WDR62: variants seen among roughly 807,000 people sequenced by gnomAD.
WDR62 encodes the protein WD repeat-containing protein 62.
Under a neutral mutation model 160.6 loss-of-function variants are expected in WDR62, and 112 were observed. That is an observed-to-expected ratio of 0.70 (90% CI 0.60 to 0.82). WDR62 has a LOEUF of 0.82. Among genes scored for constraint, WDR62 ranks in the 40% least tolerant of loss-of-function variants. WDR62 has a pLI of 0.00. For missense variants in WDR62, 1,819 were observed against 1,983.8 expected (o/e 0.92, Z 1.58); for synonymous variants, 792 against 815.1 (o/e 0.97, Z 0.48).
In WDR62 at chr19:36,092,732, A is replaced by G. The variant is rs748567793; in HGVS notation, c.2254A>G (p.Met752Val). 6.8e-6 allele frequency: 11 copies of G among 1,614,194 alleles called. No homozygotes were observed. Among genetic ancestry groups the G allele is most frequent in the Middle Eastern group, 3.3e-4 (2 of 6,062 alleles). Residue 752 changes from methionine to valine, a missense_variant, in exon 19 of 32, where the codon ATG (methionine) becomes GTG (valine). By Grantham distance (21) the Met-to-Val change is conservative. Transcript: ENST00000401500. ...WHLGPEITNC[M>V]KQHLLEIDHR... ...CCTGGGCCCGGAGATCACCAACTGC[A>G]TGAAGCAGCACTTGCTGGAGATTGA... is the stretch of plus-strand genomic sequence containing the variant.
chr19:36,074,648 T>G (rs1272648964), intron 9 of WDR62, among the ~76,000 whole-genome samples: 4 of 152,240 alleles, frequency 2.6e-5, no homozygotes, highest in Admixed American at 2.6e-4. Context: ...GAAAGAACTT[T>G]GTCCTTTTGA....
chr19:36,076,104 G>A (rs918263163), intron 9 of WDR62: 3 of 151,882 alleles, frequency 2.0e-5, no homozygotes, highest in African/African-American at 7.3e-5. Context: ...CCCATCTTTG[G>A]CCAGTGAGAG....
In WDR62 at chr19:36,104,572, C is replaced by T. The variant is rs746633430; in HGVS notation, c.4208C>T (p.Pro1403Leu). 20 of 1,613,820 alleles carry T rather than the reference C, an allele frequency of 1.2e-5. No homozygotes were observed. The highest frequency in any genetic ancestry group is 5.3e-5 in the African/African-American group (4 of 74,898). ...GCCCGCTGGAGTGAGCCCTGGGTGC[C>T]GGTTGAAGCCCTGCCCCCATCTCCC... ...SPARWSEPWV[P>L]VEALPPSPLE... The change falls in exon 31 of 32, where the codon CCG (proline) becomes CTG (leucine). Residue 1403 changes from proline to leucine, a missense_variant. Physicochemically the swap from Pro to Leu is moderately conservative, Grantham distance 98. This residue lies in a region of WDR62 where 770 missense variants were observed against 734.2 expected (regional missense o/e 1.05). Transcript: ENST00000401500.
chr19:36,100,844 G>A lies in WDR62; in HGVS notation c.2836G>A (p.Glu946Lys). Residue 946 changes from glutamate (E) to lysine (K), a missense_variant, in exon 23 of 32, where the codon GAG (glutamate) becomes AAG (lysine). Physicochemically the swap from Glu to Lys is moderately conservative, Grantham distance 56 (BLOSUM62 1). Around this residue, in one of 3 missense-constraint regions of WDR62, gnomAD observed 934 missense variants for 1,157.2 expected, o/e 0.81. Transcript: ENST00000401500. ...EASELILYSL[E>K]AEVTVTGTDS... ...CAGTGAGCTCATCCTCTACTCTCTGGAGGCAGAAGTGACAGTCACAGGGAC... is the reference window on the plus strand; with the variant it reads ...CAGTGAGCTCATCCTCTACTCTCTGAAGGCAGAAGTGACAGTCACAGGGAC... 6.2e-7 allele frequency: 1 copy of A among 1,614,238 alleles called. No homozygotes were observed. Among genetic ancestry groups the A allele is most frequent in the Non-Finnish European group, 8.5e-7 (1 of 1,180,034 alleles).
At position 36,101,287 on chromosome 19, in the gene WDR62, G is replaced by T. The variant is rs200503894; in HGVS notation, c.2941G>T (p.Asp981Tyr). 1 of 1,612,270 alleles carries T rather than the reference G, an allele frequency of 6.2e-7. No individual in the cohort carries two copies. The highest frequency in any genetic ancestry group is 8.5e-7 in the Non-Finnish European group (1 of 1,179,598). ...CGACTCCTACCTCAGGGTGTCCTCC[G>T]ACAGCCCAAAGGACCAGAGCCCGCC... Reference protein sequence around the residue: ...QGDSYLRVSSDSPKDQSPPED... With the variant: ...QGDSYLRVSSYSPKDQSPPED... The change falls in exon 24 of 32, where the codon GAC becomes TAC. Residue 981 changes from aspartate (D) to tyrosine (Y), a missense_variant. Coordinates refer to ENST00000401500, the MANE Select transcript of WDR62 (RefSeq NM_001083961.2).
intron 8 of WDR62, 122 bp downstream of exon 8, chr19:36,071,838 C>A: frequency 7.7e-7 from 1 of 1,305,456 alleles, no homozygotes; most frequent in Non-Finnish European, 1.0e-6. Flanking sequence ...TCATGACTCT[C>A]AGCCCTGGGC....
At chr19:36,056,749 C>T (rs922540731) in intron 1 of WDR62, among the ~76,000 whole-genome samples, 4 of 152,072 alleles carry the variant, frequency 2.6e-5, no homozygotes, top group African/African-American at 9.7e-5. Flanking sequence ...TGGACCCAGG[C>T]AGCCTGAGCT....
downstream of WDR62, among the ~76,000 whole-genome samples, chr19:36,109,135 C>T (rs1247155625): frequency 2.0e-5 from 3 of 152,130 alleles, no homozygotes; most frequent in South Asian, 2.1e-4. Context: ...AACTGACTCT[C>T]GGGCAATGTA....
At chr19:36,065,324 T>C (rs532030925) in intron 3 of WDR62, among the ~76,000 whole-genome samples, 59 of 152,308 alleles carry the variant, frequency 3.9e-4, no homozygotes, top group Admixed American at 7.8e-4. Flanking sequence ...GAGACAATTA[T>C]TAGATTGTTA....
At chr19:36,077,322 G>C (rs1411102018) in intron 9 of WDR62, among the ~76,000 whole-genome samples, 2 of 142,918 alleles carry the variant, frequency 1.4e-5, no homozygotes, top group Non-Finnish European at 3.0e-5. Context: ...CTGTCGCCCA[G>C]GCTGGAGTGA....
In WDR62 at chr19:36,092,705, C is replaced by T. The variant is rs142313818; in HGVS notation, c.2227C>T (p.His743Tyr). Residue 743 changes from histidine to tyrosine, a missense_variant, in exon 19 of 32, where the codon CAC becomes TAC. Transcript: ENST00000401500. ...CCTCCGCAGCTGCGTGTTCATCTGG[C>T]ACCTGGGCCCGGAGATCACCAACTG... ...VSGDSCVFIW[H>Y]LGPEITNCMK... The T allele has an allele frequency of 1.7e-5, 27 of 1,614,034 alleles. No homozygotes were observed. Among genetic ancestry groups the T allele is most frequent in the Non-Finnish European group, 2.3e-5 (27 of 1,180,004 alleles).
intron 21 of WDR62, among the ~76,000 whole-genome samples, chr19:36,098,105 T>C (rs1289135751): frequency 6.7e-6 from 1 of 150,316 alleles, no homozygotes; most frequent in Non-Finnish European, 1.5e-5. Context: ...CTCCCATCTC[T>C]ACAAAAGATT....
intron 9 of WDR62, among the ~76,000 whole-genome samples, chr19:36,076,557 C>CA (rs889230931): frequency 0.015 from 1,592 of 108,224 alleles, 22 homozygotes; most frequent in African/African-American, 0.048. Flanking sequence ...GATCCTATCT[C>CA]AAAAAAAAAA....
At chr19:36,105,841 G>A (rs1260919468), downstream of WDR62, among the ~76,000 whole-genome samples, 1 of 151,908 alleles carries the variant, frequency 6.6e-6, no homozygotes, top group Non-Finnish European at 1.5e-5. Context: ...TGGGATTACA[G>A]GCACCCACCA....
intron 8 of WDR62, among the ~76,000 whole-genome samples, chr19:36,073,108 C>A (rs1971385535): frequency 6.6e-6 from 1 of 152,108 alleles, no homozygotes; most frequent in Non-Finnish European, 1.5e-5. Context: ...TCATAGGAAT[C>A]AAAAACTCAA....
At chr19:36,058,238 G>T (rs1970464837) in intron 1 of WDR62, among the ~76,000 whole-genome samples, 1 of 152,152 alleles carries the variant, frequency 6.6e-6, no homozygotes, top group African/African-American at 2.4e-5. Context: ...TGTAATCCTA[G>T]CTACTCAGGA....
chr19:36,100,937 C>T, intron 23 of WDR62, 62 bp downstream of exon 23: 2 of 1,611,752 alleles, frequency 1.2e-6, no homozygotes, highest in South Asian at 2.2e-5. Flanking sequence ...TAGCTGCATC[C>T]TGGAAGAAGT....
At chr19:36,106,816 C>G (rs1973725129), downstream of WDR62, among the ~76,000 whole-genome samples, 1 of 152,164 alleles carries the variant, frequency 6.6e-6, no homozygotes, top group South Asian at 2.1e-4. Flanking sequence ...GGGTTTGTTT[C>G]TAAATCTCTG....
chr19:36,080,305 G>A (rs1599789255), intron 9 of WDR62, among the ~76,000 whole-genome samples: 1 of 130,076 alleles, frequency 7.7e-6, no homozygotes, highest in Non-Finnish European at 1.8e-5. Context: ...TAGTAGAGAC[G>A]GGGTTTCACC....
Sources: allele counts gnomAD v4.1 joint callset (sites outside exome capture counted in the v4.1 genomes callset), GRCh38; gene constraint gnomAD v4.1.1; regional missense constraint gnomAD v4.1.1; transcripts MANE v1.5; gene names NCBI Gene and HGNC (gene_info 2026-07-23, HGNC 2026-07-21).